ACSL5: variants seen among roughly 807,000 people sequenced by gnomAD.
The protein encoded by ACSL5 is long-chain-fatty-acid--CoA ligase 5.
In ACSL5, 50 loss-of-function variants were observed where a neutral mutation model predicts 84.9. The ratio of observed to expected loss-of-function variants is 0.59; its 90% CI spans 0.47 to 0.75. The LOEUF is 0.75. Among genes scored for constraint, ACSL5 ranks in the 30% least tolerant of loss-of-function variants. The probability of loss-of-function intolerance (pLI) is 0.00; values close to 1 mark genes in which losing one functional copy is unlikely to be tolerated. For missense variants in ACSL5, 775 were observed against 830.4 expected (o/e 0.93, Z 0.82); for synonymous variants, 280 against 300.7 (o/e 0.93, Z 0.71).
At chr10:112,423,576 C>G (rs1210803969) in intron 17 of ACSL5, among the ~76,000 whole-genome samples, 1 of 151,950 alleles carries the variant, frequency 6.6e-6, no homozygotes, top group Non-Finnish European at 1.5e-5. Context: ...GTGTTTTCTT[C>G]TTGCCTTATT....
chr10:112,383,800 G>A (rs894108779), intron 1 of ACSL5, among the ~76,000 whole-genome samples: 4 of 99,294 alleles, frequency 4.0e-5, no homozygotes, highest in African/African-American at 8.5e-5. Context: ...ATATGGAGCT[G>A]TTCATTTTAT....
chr10:112,374,866 T>C (rs1346619877), intron 1 of ACSL5, among the ~76,000 whole-genome samples: 2 of 152,112 alleles, frequency 1.3e-5, no homozygotes, highest in Non-Finnish European at 2.9e-5. Context: ...TGAGACTTGA[T>C]TGGTCAGTTT....
intron 1 of ACSL5, chr10:112,375,630 A>C (rs985075548): frequency 6.6e-6 from 1 of 152,208 alleles, no homozygotes; most frequent in Non-Finnish European, 1.5e-5. Flanking sequence ...CCCTGTAGCC[A>C]CAGCCTTAGG....
intron 5 of ACSL5, chr10:112,406,822 G>A (rs562201734): frequency 3.9e-5 from 6 of 152,222 alleles, no homozygotes; most frequent in Admixed American, 1.3e-4. Flanking sequence ...GAGAGCAAAG[G>A]GGGTGGAAAG....
chr10:112,384,171 G>C (rs1430231187), intron 1 of ACSL5, among the ~76,000 whole-genome samples: 1 of 152,052 alleles, frequency 6.6e-6, no homozygotes, highest in Non-Finnish European at 1.5e-5. Context: ...GGGCAACAGA[G>C]CAAGACTCTG....
At chr10:112,426,598 C>G in intron 19 of ACSL5, 190 bp from the exon 20 acceptor site, 1 of 626,106 alleles carries the variant, frequency 1.6e-6, no homozygotes, top group South Asian at 2.0e-5. Flanking sequence ...TCAGAGAAAA[C>G]TGTTAACACT....
chr10:112,391,111 G>C (rs1849553689), intron 1 of ACSL5, among the ~76,000 whole-genome samples: 1 of 152,182 alleles, frequency 6.6e-6, no homozygotes, highest in South Asian at 2.1e-4. Flanking sequence ...AGGTGCAATG[G>C]CTCATGCCTG....
At chr10:112,414,743 G>C (rs1226502760) in intron 12 of ACSL5, among the ~76,000 whole-genome samples, 8 of 152,054 alleles carry the variant, frequency 5.3e-5, no homozygotes, top group Non-Finnish European at 8.8e-5. Context: ...TTGGTTTCTG[G>C]CACAAGATGT....
intron 11 of ACSL5, among the ~76,000 whole-genome samples, chr10:112,412,913 T>G (rs1320882763): frequency 6.6e-6 from 1 of 152,168 alleles, no homozygotes; most frequent in African/African-American, 2.4e-5. Context: ...TCTCAATATC[T>G]GTCTTATCTG....
chr10:112,404,208 T>C (rs1057355332), intron 3 of ACSL5, among the ~76,000 whole-genome samples: 3 of 152,262 alleles, frequency 2.0e-5, no homozygotes, highest in African/African-American at 7.2e-5. Context: ...TCATGTTTTG[T>C]GGGCTAACCC....
chr10:112,391,971 C>T (rs1222987591), intron 1 of ACSL5, among the ~76,000 whole-genome samples: 3 of 152,178 alleles, frequency 2.0e-5, no homozygotes, highest in Non-Finnish European at 2.9e-5. Context: ...CATATCACCA[C>T]AACTGAACAG....
chr10:112,420,810 C>T (rs1370736051), intron 14 of ACSL5, among the ~76,000 whole-genome samples: 1 of 152,036 alleles, frequency 6.6e-6, no homozygotes, highest in East Asian at 1.9e-4. Flanking sequence ...CAACCTCCGC[C>T]TCCTGGGTTC....
intron 7 of ACSL5, chr10:112,410,182 G>T (rs560329489): frequency 2.8e-6 from 4 of 1,435,224 alleles, no homozygotes; most frequent in Admixed American, 2.3e-5. Flanking sequence ...TTTCAAAAAA[G>T]ATTTAGTTAG....
rs201532224 is a variant in ACSL5 at position 112,413,238 on chromosome 10, C to T, written c.1014C>T (p.Asp338=). The T allele has an allele frequency of 9.9e-6, 16 of 1,614,152 alleles. No homozygotes were observed. In the East Asian group the frequency reaches 2.5e-4, roughly 25 times the overall value. Residue 338 remains aspartate (D), a synonymous_variant, in exon 12 of 21, where the codon GAC becomes GAT. Coordinates refer to ENST00000354655, the MANE Select transcript of ACSL5 (RefSeq NM_203379.2). ...FFQGDIRLLA[D]DMKTLKPTLF... ...AAGGGGATATTCGGTTGCTGGCTGA[C>T]GACATGAAGACTTTGAAGCCCACAT...
chr10:112,389,609 C>T (rs971357529), intron 1 of ACSL5, among the ~76,000 whole-genome samples: 1 of 152,128 alleles, frequency 6.6e-6, no homozygotes, highest in Non-Finnish European at 1.5e-5. Flanking sequence ...AGAGGAAATG[C>T]CAGTCACGCC....
intron 2 of ACSL5, among the ~76,000 whole-genome samples, chr10:112,396,943 A>G (rs1026016638): frequency 1.3e-5 from 2 of 152,182 alleles, no homozygotes; most frequent in Non-Finnish European, 2.9e-5. Context: ...CTCTTGTTAC[A>G]TCCTCGTGTG....
At chr10:112,386,339 G>T (rs547627291) in intron 1 of ACSL5, among the ~76,000 whole-genome samples, 1 of 151,468 alleles carries the variant, frequency 6.6e-6, no homozygotes, top group Non-Finnish European at 1.5e-5. Context: ...GATTATAAGC[G>T]CACGCCACCA....
chr10:112,402,095 A>C, intron 3 of ACSL5, among the ~76,000 whole-genome samples: 1 of 151,842 alleles, frequency 6.6e-6, no homozygotes, highest in Non-Finnish European at 1.5e-5. Flanking sequence ...TCTCCCAAAT[A>C]GCTGGGACTA....
intron 3 of ACSL5, among the ~76,000 whole-genome samples, chr10:112,401,827 TCTTTCTTTCTTTCTTC>T (rs1233774369): frequency 0.018 from 2,102 of 117,220 alleles, 23 homozygotes; most frequent in African/African-American, 0.03. Flanking sequence ...TTTCTTTCTT[TCTTTCTTTCTTTCTTC>T]CTTCCTTCCT....
Sources: allele counts gnomAD v4.1 joint callset (sites outside exome capture counted in the v4.1 genomes callset), GRCh38; gene constraint gnomAD v4.1.1; transcripts MANE v1.5; gene names NCBI Gene and HGNC (gene_info 2026-07-23, HGNC 2026-07-21).